CIITA: variants seen among roughly 807,000 people sequenced by gnomAD.
The protein encoded by CIITA is class II major histocompatibility complex transactivator.
CIITA carries 72 observed loss-of-function variants against 115.1 expected under a neutral mutation model. The observed-to-expected ratio is 0.63, with a 90% CI of 0.52 to 0.76. The LOEUF is 0.76. CIITA is among the 30% of genes least tolerant of loss of function. The pLI is 0.00. For synonymous variants in CIITA, 763 were observed against 635.6 expected, an observed-to-expected ratio of 1.20 and a Z score of -3.02; for missense variants, 1,617 against 1,463.8, an observed-to-expected ratio of 1.10 and a Z score of -1.71.
Position 10,929,125 on chromosome 16 carries a change from A to G in CIITA, c.*5270A>G. 2 of 810,604 alleles carry G rather than the reference A, an allele frequency of 2.5e-6. No homozygotes were observed. The highest frequency in any genetic ancestry group is 3.0e-6 in the Non-Finnish European group (2 of 670,466). The allele number at this position is 810,604 out of a possible 1,614,324, so 50.2% of individuals were successfully genotyped here. A position where few individuals can be genotyped will look rare whatever the true frequency, so the allele number is the denominator to read the frequency against. ...CCCTCAGCCCCCCAACAGCTTCCTC[A>G]GCTTCTTTTTCTTCTGAGTCACCCC... is the stretch of plus-strand genomic sequence containing the variant. On this transcript the variant is annotated 3_prime_UTR_variant, in exon 20 of 20. Coordinates refer to ENST00000324288, the MANE Select transcript of CIITA (RefSeq NM_000246.4). The surrounding 1 kb of genome is among the most constrained non-coding windows in gnomAD (Gnocchi z 4.3).
intron 1 of CIITA, among the ~76,000 whole-genome samples, chr16:10,871,787 G>A (rs1382861768): frequency 6.6e-6 from 1 of 152,198 alleles, no homozygotes; most frequent in Non-Finnish European, 1.5e-5. Flanking sequence ...TGGCGAGGAA[G>A]ACTCGTGCCT....
Position 10,923,787 on chromosome 16 carries a change from C to A in CIITA, c.*23-91C>A. On this transcript the variant is annotated intron_variant, in intron 19 of 19. Coordinates refer to ENST00000324288, the MANE Select transcript of CIITA (RefSeq NM_000246.4). This position sits in a 1 kb window ranked among gnomAD's most constrained non-coding sequence, Gnocchi z 5.2. ...CCTCCATTCCACTGCCCCTCCCATC[C>A]CCCCATCTTGATAGCACCCTTCCCA... 1 of 184,914 alleles carries A rather than the reference C, an allele frequency of 5.4e-6. No homozygotes were observed. 11.5% of individuals were successfully genotyped at this position (184,914 alleles called of 1,614,324 possible).
At chr16:10,894,368 A>C (rs1156492341) in intron 1 of CIITA, among the ~76,000 whole-genome samples, 3 of 151,760 alleles carry the variant, frequency 2.0e-5, no homozygotes, top group Non-Finnish European at 2.9e-5. Context: ...TTTTTGGTGG[A>C]TATTTGGGCT....
intron 1 of CIITA, among the ~76,000 whole-genome samples, chr16:10,889,316 G>T (rs553604749): frequency 3.9e-4 from 60 of 152,158 alleles, no homozygotes; most frequent in Non-Finnish European, 7.2e-4. Context: ...AAGGTCCCAT[G>T]CCAAGATTCA....
chr16:10,883,463 A>T (rs1390909196), intron 1 of CIITA, among the ~76,000 whole-genome samples: 3 of 152,154 alleles, frequency 2.0e-5, no homozygotes, highest in Non-Finnish European at 2.9e-5. Context: ...CACCCACAAT[A>T]ACTTTACCCT....
intron 9 of CIITA, among the ~76,000 whole-genome samples, chr16:10,904,186 T>C (rs1044766764): frequency 1.3e-5 from 2 of 152,126 alleles, no homozygotes; most frequent in African/African-American, 4.8e-5. Flanking sequence ...AAACCCTGAT[T>C]TTTACATAGA....
Position 10,930,647 on chromosome 16 carries a change from C to T in CIITA, c.*6792C>T, listed in dbSNP as rs1383325211. On this transcript the variant is annotated 3_prime_UTR_variant, in exon 20 of 20. Coordinates refer to ENST00000324288, the MANE Select transcript of CIITA (RefSeq NM_000246.4). Reference sequence around the variant, plus strand: ...ACTGGCTTGGTAATAACGATGGAAACGGTCTGAATGAGAGCAGGTACCATT... The same window carrying T: ...ACTGGCTTGGTAATAACGATGGAAATGGTCTGAATGAGAGCAGGTACCATT... 1 of 152,198 alleles carries T rather than the reference C, an allele frequency of 6.6e-6. No individual in the cohort carries two copies. The highest frequency in any genetic ancestry group is 6.5e-5 in the Admixed American group (1 of 15,288). The allele number at this position is 152,198 out of a possible 1,614,324, so 9.4% of individuals were successfully genotyped here. A position where few individuals can be genotyped will look rare whatever the true frequency, so the allele number is the denominator to read the frequency against.
chr16:10,879,510 A>G lies in CIITA; in HGVS notation c.52+2128A>G, dbSNP rs1416060440. Among the ~76,000 whole-genome samples, 1 of 151,888 alleles carries G rather than the reference A, an allele frequency of 6.6e-6. No individual in the cohort carries two copies. Among genetic ancestry groups the G allele is most frequent in the Non-Finnish European group, 1.5e-5 (1 of 68,002 alleles). ...CATCTCTAACTCTGGAATCTTGGGT[A>G]TTGGGCTCTCCAGGCGGGGGGCCCT... is the stretch of plus-strand genomic sequence containing the variant. On this transcript the variant is annotated intron_variant, in intron 1 of 19. Coordinates refer to ENST00000324288, the MANE Select transcript of CIITA (RefSeq NM_000246.4). The surrounding 1 kb of genome is among the most constrained non-coding windows in gnomAD (Gnocchi z 4.3).
At chr16:10,866,538 A>G (rs2035079894) in intron 1 of CIITA, 1 of 551,164 alleles carries the variant, frequency 1.8e-6, no homozygotes, top group Non-Finnish European at 3.6e-6. Context: ...AGCCCCCAGC[A>G]GCCGAGAGGG....
intron 1 of CIITA, among the ~76,000 whole-genome samples, chr16:10,893,719 G>A (rs1006676490): frequency 3.6e-5 from 5 of 140,712 alleles, no homozygotes; most frequent in African/African-American, 1.3e-4. Flanking sequence ...TGAGGCAGAA[G>A]AATGGCTTGA....
intron 1 of CIITA, among the ~76,000 whole-genome samples, chr16:10,886,398 C>T (rs1285692577): frequency 6.6e-6 from 1 of 152,216 alleles, no homozygotes; most frequent in Non-Finnish European, 1.5e-5. Context: ...CCTAGGTGAC[C>T]TCCAACTCTC....
intron 1 of CIITA, among the ~76,000 whole-genome samples, chr16:10,866,725 C>T (rs1487806237): frequency 6.6e-6 from 1 of 152,196 alleles, no homozygotes; most frequent in Non-Finnish European, 1.5e-5. Context: ...AAACTTGGAG[C>T]ACTGTCTCTG....
chr16:10,904,618 TATCTTATAACCTCC>T (rs2039011059), intron 9 of CIITA, 112 bp from the exon 10 acceptor site: 4 of 929,640 alleles, frequency 4.3e-6, no homozygotes, highest in South Asian at 4.0e-5. Context: ...CTCAGGCCGC[TATCTTATAACCTCC>T]ATCTTGGGAA....
rs1186730747 is a variant in CIITA at position 10,926,192 on chromosome 16, A to G, written c.*2337A>G. 1 of 152,256 alleles carries G rather than the reference A, an allele frequency of 6.6e-6. No individual in the cohort carries two copies. Among genetic ancestry groups the G allele is most frequent in the Non-Finnish European group, 1.5e-5 (1 of 68,062 alleles). 9.4% of individuals were successfully genotyped at this position (152,256 alleles called of 1,614,324 possible). A position where few individuals can be genotyped will look rare whatever the true frequency, so the allele number is the denominator to read the frequency against. On this transcript the variant is annotated 3_prime_UTR_variant, in exon 20 of 20. Transcript: ENST00000324288. ...GAGAGCTGGGTGTCAAGAGGGTCTGAGGAATCCAGACCCGGCTGCGTGGTT... is the reference window on the plus strand; with the variant it reads ...GAGAGCTGGGTGTCAAGAGGGTCTGGGGAATCCAGACCCGGCTGCGTGGTT...
Position 10,906,630 on chromosome 16 carries a change from C to T in CIITA, c.1138C>T (p.Arg380Trp), listed in dbSNP as rs750567359. The T allele has an allele frequency of 5.6e-6, 9 of 1,613,816 alleles. No individual in the cohort carries two copies. Among genetic ancestry groups the T allele is most frequent in the Admixed American group, 1.7e-5 (1 of 60,020 alleles). Residue 380 changes from arginine to tryptophan, a missense_variant, in exon 11 of 20, where the codon CGG becomes TGG. Transcript: ENST00000324288. Reference sequence around the variant, plus strand: ...GAGGAGCAGCAGCAAGAGCCTGGAGCGGGAACTGGCCACCCCGGACTGGGC... The same window carrying T: ...GAGGAGCAGCAGCAAGAGCCTGGAGTGGGAACTGGCCACCCCGGACTGGGC... The part of the protein sequence containing the change: ...LERSSSKSLE[R>W]ELATPDWAER...
intron 1 of CIITA, among the ~76,000 whole-genome samples, chr16:10,889,586 C>T (rs2037335038): frequency 6.6e-6 from 1 of 151,834 alleles, no homozygotes. Context: ...GTGGCGCAGT[C>T]TTGGTTCACT....
chr16:10,900,739 C>CA lies in CIITA; in HGVS notation c.437-760dup, dbSNP rs5815603. On this transcript the variant is annotated intron_variant, in intron 5 of 19. Transcript: ENST00000324288. ...TGGGCAACAGAGCTAGACTCTGTTT[C>CA]AAAAAAAAAAAAAAATGTTTTCAAG... 4.7e-3 allele frequency among the ~76,000 whole-genome samples: 481 copies of CA among 101,506 alleles called. 4 individuals are homozygous for CA. The highest frequency in any genetic ancestry group is 0.021 in the South Asian group (69 of 3,286). 66.6% of individuals were successfully genotyped at this position (101,506 alleles called of 152,430 possible). A position where few individuals can be genotyped will look rare whatever the true frequency, so the allele number is the denominator to read the frequency against.
rs2040365421 is a variant in CIITA, at chr16:10,923,142, A to G, written c.3318-86A>G. 4 of 1,103,670 alleles carry G rather than the reference A, an allele frequency of 3.6e-6. No individual in the cohort carries two copies. The highest frequency in any genetic ancestry group is 4.1e-6 in the Non-Finnish European group (3 of 724,266). The allele number at this position is 1,103,670 out of a possible 1,614,324, so 68.4% of individuals were successfully genotyped here. ...TCCCCAACGTTCTAGGCTGGGTGGA[A>G]GGAGGGATTTGGGGGCAGCTGTCAC... On this transcript the variant is annotated intron_variant, in intron 18 of 19. Coordinates refer to ENST00000324288, the MANE Select transcript of CIITA (RefSeq NM_000246.4). This position sits in a 1 kb window ranked among gnomAD's most constrained non-coding sequence, Gnocchi z 5.2.
In CIITA at chr16:10,907,684, A is replaced by G. The variant is rs372853839; in HGVS notation, c.2192A>G (p.Lys731Arg). The stretch of plus-strand genomic sequence containing the variant: ...GCTCTGAGTGGCGAAATCAAGGACA[A>G]GGAGCTCCCGCAGTACCTAGCATTG... ...WLALSGEIKD[K>R]ELPQYLALTP... is the part of the protein sequence containing the mutation. The change falls in exon 11 of 20, where the codon AAG becomes AGG. Residue 731 changes from lysine (K) to arginine (R), a missense_variant. By Grantham distance (26) the Lys-to-Arg change is conservative. Coordinates refer to ENST00000324288, the MANE Select transcript of CIITA (RefSeq NM_000246.4). This position sits in a 1 kb window ranked among gnomAD's most constrained non-coding sequence, Gnocchi z 5.0. 4.3e-6 allele frequency: 7 copies of G among 1,614,078 alleles called. No homozygotes were observed. The African/African-American group carries it at 9.3e-5, about 22-fold the overall frequency.
Sources: gnomAD v4.1 joint callset for allele counts (sites outside exome capture counted in the v4.1 genomes callset) on GRCh38, gnomAD v4.1.1 for gene constraint, Gnocchi (gnomAD v3.1) non-coding constraint, MANE v1.5 for transcripts, NCBI Gene and HGNC (gene_info 2026-07-23, HGNC 2026-07-21) for gene names.